Variants in PEPD observed in about 807,000 individuals in gnomAD.
PEPD encodes xaa-Pro dipeptidase.
In PEPD, 53 loss-of-function variants were observed where a neutral mutation model predicts 60.7. That is an observed-to-expected ratio of 0.87 (90% CI 0.70 to 1.10). The LOEUF (loss-of-function observed/expected upper bound fraction) is 1.10, where lower values mean the gene tolerates loss of function less well. Ranked by LOEUF, PEPD falls within the 50% of genes least tolerant of loss-of-function variation. The pLI is 0.00. For synonymous variants in PEPD, 267 were observed against 284.1 expected (o/e 0.94, Z 0.60); for missense variants, 711 against 711.9 (o/e 1.00, Z 0.01).
chr19:33,482,818 T>C (rs539343680), intron 6 of PEPD, among the ~76,000 whole-genome samples: 118 of 152,130 alleles, frequency 7.8e-4, no homozygotes, highest in Admixed American at 2.1e-3. Flanking sequence ...TAGAAAAAAA[T>C]ATTTTTCAGC....
chr19:33,505,182 A>G (rs1256781878), intron 3 of PEPD, among the ~76,000 whole-genome samples: 1 of 152,216 alleles, frequency 6.6e-6, no homozygotes, highest in Non-Finnish European at 1.5e-5. Flanking sequence ...AATTACAGCC[A>G]TCACCATCCA....
intron 6 of PEPD, 61 bp from the exon 7 acceptor site, chr19:33,478,151 C>A (rs1600147407): frequency 9.0e-7 from 1 of 1,110,476 alleles, no homozygotes; most frequent in East Asian, 2.4e-5. Context: ...CCAGCAAGAA[C>A]TACCTCATTC....
intron 9 of PEPD, among the ~76,000 whole-genome samples, chr19:33,433,774 T>A (rs1321443472): frequency 6.6e-6 from 1 of 152,250 alleles, no homozygotes; most frequent in Non-Finnish European, 1.5e-5. Flanking sequence ...CATTTTACCG[T>A]GTCGGTCTGT....
intron 6 of PEPD, among the ~76,000 whole-genome samples, chr19:33,487,906 T>C (rs1970427577): frequency 1.3e-5 from 2 of 152,068 alleles, no homozygotes; most frequent in Admixed American, 1.3e-4. Context: ...ACGAGACCTT[T>C]GCTTCCTGAC....
intron 3 of PEPD, 145 bp downstream of exon 3, chr19:33,510,883 G>A: frequency 1.2e-6 from 1 of 823,536 alleles, no homozygotes; most frequent in Non-Finnish European, 2.0e-6. Context: ...GGCAGGCTGT[G>A]ACAGCCCTGA....
At chr19:33,482,495 C>G (rs987829886) in intron 6 of PEPD, among the ~76,000 whole-genome samples, 1 of 152,188 alleles carries the variant, frequency 6.6e-6, no homozygotes, top group Non-Finnish European at 1.5e-5. Flanking sequence ...TCATAGCATA[C>G]TGAATGGTAA....
chr19:33,507,491 A>G (rs944415753), intron 3 of PEPD, among the ~76,000 whole-genome samples: 3 of 152,182 alleles, frequency 2.0e-5, no homozygotes, highest in Admixed American at 6.5e-5. Context: ...CAACCCTGAC[A>G]ACAGCAAGAC....
In PEPD at chr19:33,390,316, C is replaced by T. The variant is rs981544287; in HGVS notation, c.1152+979G>A. 3.9e-5 allele frequency among the ~76,000 whole-genome samples: 6 copies of T among 152,218 alleles called. No individual in the cohort carries two copies. The South Asian group carries it at 8.3e-4, about 21-fold the overall frequency. On this transcript the variant is annotated intron_variant, in intron 13 of 14. Coordinates refer to ENST00000244137, the MANE Select transcript of PEPD (RefSeq NM_000285.4). ...GTCTGGAAGGCCCAGCTCTTGGCTC[C>T]CTGCACACAATGGGATGAATAGACA...
intron 9 of PEPD, among the ~76,000 whole-genome samples, chr19:33,417,141 C>T (rs946782710): frequency 3.3e-5 from 5 of 152,236 alleles, no homozygotes; most frequent in Non-Finnish European, 4.4e-5. Flanking sequence ...CAGCAAGTGT[C>T]GGCCAAGCTA....
At position 33,401,704 on chromosome 19, in the gene PEPD, A is replaced by G. The variant is rs1214716114; in HGVS notation, c.967+17T>C. ...CGCCACGTCAGATGCGCCTCCCCCC[A>G]CCGACCCGCTGCTCACCTGGCTTCA... On this transcript the variant is annotated intron_variant, in intron 12 of 14. Coordinates refer to ENST00000244137, the MANE Select transcript of PEPD (RefSeq NM_000285.4). 6.2e-7 allele frequency: 1 copy of G among 1,600,422 alleles called. No individual in the cohort carries two copies. The highest frequency in any genetic ancestry group is 8.5e-7 in the Non-Finnish European group (1 of 1,174,324).
rs559610376 is a variant in PEPD at position 33,463,089 on chromosome 19, AAC to A, written c.625-50_625-49del. On this transcript the variant is annotated intron_variant, in intron 8 of 14. Transcript: ENST00000244137. ...AGACATTTGTATTAAGCAGATCAGTAACACAGCGTGATAAATAACATACAGCA... is the reference window on the plus strand; with the variant it reads ...AGACATTTGTATTAAGCAGATCAGTAACAGCGTGATAAATAACATACAGCA... 473 of 1,124,696 alleles carry A rather than the reference AAC, an allele frequency of 4.2e-4. No individual in the cohort carries two copies. In the African/African-American group the frequency reaches 6.4e-3, roughly 15 times the overall value. 69.7% of individuals were successfully genotyped at this position (1,124,696 alleles called of 1,614,324 possible). A position where few individuals can be genotyped will look rare whatever the true frequency, so the allele number is the denominator to read the frequency against.
At chr19:33,477,438 A>G (rs990299167) in intron 7 of PEPD, 3 of 168,662 alleles carry the variant, frequency 1.8e-5, no homozygotes, top group Admixed American at 5.4e-5. Flanking sequence ...GCCATCCATC[A>G]AAGAAAAAAT....
chr19:33,424,617 A>G (rs1600104734), intron 9 of PEPD, among the ~76,000 whole-genome samples: 1 of 152,170 alleles, frequency 6.6e-6, no homozygotes. Flanking sequence ...AGGCGGGAGG[A>G]TCGCTGGAGT....
intron 7 of PEPD, among the ~76,000 whole-genome samples, chr19:33,472,036 C>T (rs981470529): frequency 6.6e-6 from 1 of 152,140 alleles, no homozygotes; most frequent in African/African-American, 2.4e-5. Context: ...TGGCACATGC[C>T]TGTAATCCCA....
At chr19:33,442,270 G>T (rs1969492092) in intron 9 of PEPD, among the ~76,000 whole-genome samples, 1 of 152,044 alleles carries the variant, frequency 6.6e-6, no homozygotes, top group Non-Finnish European at 1.5e-5. Flanking sequence ...CATGGTGGAG[G>T]GTGGGGGGCA....
chr19:33,387,414 G>A lies in PEPD; in HGVS notation c.1412C>T (p.Thr471Ile), dbSNP rs759764278. The change falls in exon 15 of 15, where the codon ACT becomes ATT. Residue 471 changes from threonine (T) to isoleucine (I), a missense_variant. Transcript: ENST00000244137. ...GIELLTCVPRTVEEIEACMAG... is the reference protein window; with the variant it reads ...GIELLTCVPRIVEEIEACMAG... The stretch of plus-strand genomic sequence containing the variant: ...CATGCATGCTTCAATCTCTTCCACA[G>A]TGCGGGGCACGCAGGTCAGCAGCTC... 8.1e-6 allele frequency: 13 copies of A among 1,614,058 alleles called. No individual in the cohort carries two copies. The South Asian group carries it at 1.4e-4, about 18-fold the overall frequency.
At chr19:33,487,520 A>G (rs988009833) in intron 6 of PEPD, 1 of 152,274 alleles carries the variant, frequency 6.6e-6, no homozygotes, top group African/African-American at 2.4e-5. Flanking sequence ...CCCGCTGCGC[A>G]TTGCAACAGC....
At chr19:33,430,688 G>T (rs1453729486) in intron 9 of PEPD, among the ~76,000 whole-genome samples, 1 of 152,068 alleles carries the variant, frequency 6.6e-6, no homozygotes, top group Non-Finnish European at 1.5e-5. Flanking sequence ...AACACTTTTG[G>T]GAAGAAATAA....
At chr19:33,487,929 T>C (rs544764465) in intron 6 of PEPD, among the ~76,000 whole-genome samples, 1 of 151,774 alleles carries the variant, frequency 6.6e-6, no homozygotes, top group Non-Finnish European at 1.5e-5. Flanking sequence ...TCACTGACAG[T>C]GATGAGGGCC....
Sources: gnomAD v4.1 joint callset for allele counts (sites outside exome capture counted in the v4.1 genomes callset) on GRCh38, gnomAD v4.1.1 for gene constraint, MANE v1.5 for transcripts, NCBI Gene and HGNC (gene_info 2026-07-23, HGNC 2026-07-21) for gene names.